The following EXTL3 variants were observed in gnomAD, a reference collection of about 807,000 sequenced individuals.
The protein encoded by EXTL3 is exostosin-like 3.
In EXTL3, 27 loss-of-function variants were observed where a neutral mutation model predicts 69.3. The ratio of observed to expected loss-of-function variants is 0.39; its 90% CI spans 0.29 to 0.54. The LOEUF is 0.54. EXTL3 is among the 20% of genes least tolerant of loss of function. The pLI is 0.69. For synonymous variants in EXTL3, 511 were observed against 499.4 expected, an observed-to-expected ratio of 1.02 and a Z score of -0.31; for missense variants, 1,003 against 1,231.8, an observed-to-expected ratio of 0.81 and a Z score of 2.78.
chr8:28,675,254 G>T (rs1807361650), intron 1 of EXTL3, among the ~76,000 whole-genome samples: 1 of 151,990 alleles, frequency 6.6e-6, no homozygotes, highest in Non-Finnish European at 1.5e-5. Flanking sequence ...ATCTGGTATG[G>T]GCTGCTTTCT....
At chr8:28,644,938 G>A (rs1022884874) in intron 1 of EXTL3, among the ~76,000 whole-genome samples, 2 of 152,150 alleles carry the variant, frequency 1.3e-5, no homozygotes, top group South Asian at 2.1e-4. Context: ...TTCTGTATAC[G>A]CCTCTGGTGA....
Position 28,718,138 on chromosome 8 carries a change from G to A in EXTL3, c.2079G>A (p.Val693=), listed in dbSNP as rs1801207046. Residue 693 remains valine (V), a synonymous_variant, in exon 3 of 7, where the codon GTG becomes GTA. Transcript: ENST00000220562. ...LNGLPYLNKV[V]VVWNSPKLPS... is the part of the protein sequence containing the mutation. ...GCCTCCCTTACCTGAACAAGGTCGT[G>A]GTGGTGTGGAATTCTCCCAAGCTGC... is the stretch of plus-strand genomic sequence containing the variant. 2 of 1,614,032 alleles carry A rather than the reference G, an allele frequency of 1.2e-6. No individual in the cohort carries two copies. Among genetic ancestry groups the A allele is most frequent in the Admixed American group, 3.3e-5 (2 of 60,006 alleles).
intron 1 of EXTL3, among the ~76,000 whole-genome samples, chr8:28,681,321 C>G (rs893986242): frequency 1.1e-4 from 17 of 151,480 alleles, no homozygotes; most frequent in Non-Finnish European, 2.4e-4. Context: ...TCCAGACCAG[C>G]CTGGCCAACA....
chr8:28,677,243 A>G lies in EXTL3; in HGVS notation c.-52-36214A>G, dbSNP rs192666784. ...AGAGCTATGGTGCCTGCTTTTAGAA[A>G]ACTAAAGCCGCTTTGAGGAAGATGA... On this transcript the variant is annotated intron_variant, in intron 1 of 6. Coordinates refer to the EXTL3 transcript ENST00000523149. Among the ~76,000 whole-genome samples, 10 of 152,296 alleles carry G rather than the reference A, an allele frequency of 6.6e-5. No individual in the cohort carries two copies. In the East Asian group the frequency reaches 1.9e-3, roughly 29 times the overall value.
intron 1 of EXTL3, among the ~76,000 whole-genome samples, chr8:28,631,009 C>A (rs1006104214): frequency 6.6e-6 from 1 of 152,140 alleles, no homozygotes; most frequent in Non-Finnish European, 1.5e-5. Flanking sequence ...CCGTGGGACA[C>A]CTGAGATGAG....
chr8:28,744,505 A>G (rs1801843721), intron 6 of EXTL3, among the ~76,000 whole-genome samples: 1 of 152,118 alleles, frequency 6.6e-6, no homozygotes, highest in African/African-American at 2.4e-5. Flanking sequence ...TAAAAAATAT[A>G]CAAATTAGGC....
chr8:28,683,000 C>A (rs1807517637), intron 1 of EXTL3, among the ~76,000 whole-genome samples: 1 of 152,134 alleles, frequency 6.6e-6, no homozygotes, highest in Non-Finnish European at 1.5e-5. Flanking sequence ...TTCCCAGTGC[C>A]ATTTATTGAA....
At chr8:28,611,291 A>G (rs1353371532) in intron 2 of EXTL3, among the ~76,000 whole-genome samples, 1 of 152,134 alleles carries the variant, frequency 6.6e-6, no homozygotes, top group Non-Finnish European at 1.5e-5. Flanking sequence ...TCTTTACAAA[A>G]AATAAATTTA....
chr8:28,738,483 C>T (rs776633419), intron 5 of EXTL3, among the ~76,000 whole-genome samples: 4 of 152,154 alleles, frequency 2.6e-5, no homozygotes, highest in Admixed American at 6.5e-5. Context: ...TACTTTTTAA[C>T]GATGTAGCTT....
intron 1 of EXTL3, among the ~76,000 whole-genome samples, chr8:28,658,929 G>C (rs915403991): frequency 1.3e-5 from 2 of 152,172 alleles, no homozygotes; most frequent in African/African-American, 4.8e-5. Context: ...TATGTATGTA[G>C]CACAATGTAT....
At chr8:28,669,420 C>T (rs1317187278) in intron 1 of EXTL3, among the ~76,000 whole-genome samples, 1 of 152,222 alleles carries the variant, frequency 6.6e-6, no homozygotes, top group African/African-American at 2.4e-5. Flanking sequence ...CTATCAAATG[C>T]TTCTCTTCAA....
intron 1 of EXTL3, among the ~76,000 whole-genome samples, chr8:28,653,973 A>G (rs1400023064): frequency 6.6e-6 from 1 of 152,220 alleles, no homozygotes; most frequent in African/African-American, 2.4e-5. Context: ...AAAGCTTTGG[A>G]TAGTATTCTC....
intron 2 of EXTL3, among the ~76,000 whole-genome samples, chr8:28,608,120 AAAAG>A (rs1166299384): frequency 2.0e-5 from 3 of 151,970 alleles, no homozygotes; most frequent in South Asian, 2.1e-4. Context: ...AAAAAAAAAA[AAAAG>A]AAAGAAAGAA....
At chr8:28,672,397 A>G (rs556792837) in intron 1 of EXTL3, among the ~76,000 whole-genome samples, 143 of 121,482 alleles carry the variant, frequency 1.2e-3, no homozygotes, top group African/African-American at 3.8e-3. Context: ...CAGTCTGGGC[A>G]ACCGAGCGAG....
intron 2 of EXTL3, among the ~76,000 whole-genome samples, chr8:28,615,649 C>A (rs576192765): frequency 2.0e-4 from 31 of 152,260 alleles, no homozygotes; most frequent in African/African-American, 7.5e-4. Context: ...CTCCCTGCAA[C>A]CTCCACCTCC....
At chr8:28,638,690 G>A (rs959522300) in intron 1 of EXTL3, among the ~76,000 whole-genome samples, 4 of 152,162 alleles carry the variant, frequency 2.6e-5, no homozygotes, top group African/African-American at 9.7e-5. Context: ...AGAGTGCAGT[G>A]GTGCAATCTC....
At chr8:28,727,495 T>C (rs1161031787) in intron 3 of EXTL3, among the ~76,000 whole-genome samples, 3 of 152,228 alleles carry the variant, frequency 2.0e-5, no homozygotes, top group Non-Finnish European at 2.9e-5. Context: ...TGTTTGTAAA[T>C]TAGATAATTT....
At chr8:28,721,049 G>T (rs997612399) in intron 3 of EXTL3, among the ~76,000 whole-genome samples, 2 of 152,168 alleles carry the variant, frequency 1.3e-5, no homozygotes, top group African/African-American at 4.8e-5. Flanking sequence ...TATATGTAAG[G>T]TGTGGTTTTC....
rs141995904 is a variant in EXTL3 at position 28,629,412 on chromosome 8, GTTCA to G, written c.-53+6617_-53+6620del. Among the ~76,000 whole-genome samples, 111 of 152,106 alleles carry G rather than the reference GTTCA, an allele frequency of 7.3e-4. 1 individual carries two copies. The highest frequency in any genetic ancestry group is 8.4e-4 in the Non-Finnish European group (57 of 68,000). ...AAAGTGGTGACGTTAGAGTGAGTTA[GTTCA>G]TTCATTCATTCATTATCAAATATCT... On this transcript the variant is annotated intron_variant, in intron 1 of 6. Coordinates refer to the EXTL3 transcript ENST00000523149.
Sources: gnomAD v4.1 joint callset for allele counts (sites outside exome capture counted in the v4.1 genomes callset) on GRCh38, gnomAD v4.1.1 for gene constraint, MANE v1.5 for transcripts, NCBI Gene and HGNC (gene_info 2026-07-23, HGNC 2026-07-21) for gene names.